MFSD11: variants seen among roughly 807,000 people sequenced by gnomAD.
MFSD11 encodes major facilitator superfamily domain containing 11, also known as UNC93-like protein MFSD11.
Under a neutral mutation model 53.5 loss-of-function variants are expected in MFSD11, and 36 were observed. The observed-to-expected ratio is 0.67, with a 90% CI of 0.52 to 0.89. MFSD11 has a LOEUF of 0.89. MFSD11 is among the 40% of genes least tolerant of loss of function. The pLI, the probability that MFSD11 is intolerant of heterozygous loss-of-function variation, is 0.00. For synonymous variants in MFSD11, 186 were observed against 184.9 expected, an observed-to-expected ratio of 1.01 and a Z score of -0.05; for missense variants, 530 against 543.9, an observed-to-expected ratio of 0.97 and a Z score of 0.25.
chr17:76,752,675 C>A (rs565830542), intron 7 of MFSD11, among the ~76,000 whole-genome samples: 1 of 152,006 alleles, frequency 6.6e-6, no homozygotes, highest in African/African-American at 2.4e-5. Context: ...GGGTTCCAGG[C>A]GTGAGCCACC....
chr17:76,761,519 T>G (rs1209746182), intron 8 of MFSD11, among the ~76,000 whole-genome samples: 1 of 152,130 alleles, frequency 6.6e-6, no homozygotes, highest in Non-Finnish European at 1.5e-5. Flanking sequence ...TGAAAACAAA[T>G]GATAAAATGG....
chr17:76,740,420 T>C (rs1027598074), intron 2 of MFSD11, among the ~76,000 whole-genome samples: 3 of 152,102 alleles, frequency 2.0e-5, no homozygotes, highest in Non-Finnish European at 4.4e-5. Flanking sequence ...CTTAAGCAAG[T>C]TGTAGCTCTG....
intron 2 of MFSD11, among the ~76,000 whole-genome samples, chr17:76,739,397 C>A (rs1199966601): frequency 6.6e-6 from 1 of 152,160 alleles, no homozygotes; most frequent in Admixed American, 6.5e-5. Context: ...TTTTGTAATT[C>A]ATGACGATTA....
At chr17:76,791,402 C>CT in the MFSD11 span, among the ~76,000 whole-genome samples, 25 of 146,522 alleles carry the variant, frequency 1.7e-4, 1 homozygote, top group East Asian at 3.9e-4. Context: ...GCCTGTTTAA[C>CT]TTTTTTTTTT....
chr17:76,749,449 C>T (rs1042889681), intron 7 of MFSD11, among the ~76,000 whole-genome samples: 3 of 151,510 alleles, frequency 2.0e-5, no homozygotes, highest in Non-Finnish European at 4.4e-5. Flanking sequence ...GAATCGCTTA[C>T]GCCCAGGACG....
the MFSD11 span, among the ~76,000 whole-genome samples, chr17:76,789,287 G>A: frequency 1.5e-3 from 228 of 150,282 alleles, 12 homozygotes; most frequent in African/African-American, 5.4e-3. Context: ...TGGTTCCGGG[G>A]TTTGTGTTTT....
chr17:76,785,577 G>A (rs559166758), downstream of MFSD11, among the ~76,000 whole-genome samples: 178 of 152,098 alleles, frequency 1.2e-3, no homozygotes, highest in South Asian at 0.013. Context: ...AGACTCAAGC[G>A]GTCCACCCAC....
intron 7 of MFSD11, among the ~76,000 whole-genome samples, chr17:76,751,721 A>G (rs1339390443): frequency 1.3e-5 from 2 of 151,954 alleles, no homozygotes; most frequent in Non-Finnish European, 2.9e-5. Context: ...AAGGAAAAAG[A>G]AAAATCTTTA....
chr17:76,740,834 C>T, intron 2 of MFSD11, 123 bp from the exon 3 acceptor site: 1 of 628,644 alleles, frequency 1.6e-6, no homozygotes, highest in Non-Finnish European at 2.8e-6. Context: ...ATCATAAATT[C>T]TGACTAAATA....
At chr17:76,769,947 C>T (rs2081241383) in intron 10 of MFSD11, 76 bp downstream of exon 10, 9 of 1,333,430 alleles carry the variant, frequency 6.7e-6, no homozygotes, top group Non-Finnish European at 9.3e-6. Context: ...AAGTGTGCTT[C>T]ACCTTTGTCC....
At position 76,774,136 on chromosome 17, in the gene MFSD11, G is replaced by A. The variant is rs191856062; in HGVS notation, c.875-861G>A. Among the ~76,000 whole-genome samples, 120 of 152,216 alleles carry A rather than the reference G, an allele frequency of 7.9e-4. No individual in the cohort carries two copies. In the South Asian group the frequency reaches 0.013, roughly 16 times the overall value. The stretch of plus-strand genomic sequence containing the variant: ...AGACAGGGTTTCACCATGTTGGCCA[G>A]GCTGGTCTCGAACTCCTGACCTCGG... On this transcript the variant is annotated intron_variant, in intron 10 of 12. Coordinates refer to ENST00000685175, the MANE Select transcript of MFSD11 (RefSeq NM_001242532.5).
chr17:76,751,975 T>C (rs891863923), intron 7 of MFSD11, among the ~76,000 whole-genome samples: 1 of 152,198 alleles, frequency 6.6e-6, no homozygotes, highest in Non-Finnish European at 1.5e-5. Context: ...GTCCCAGCCA[T>C]GTCACAAGGA....
At chr17:76,792,492 T>G in the MFSD11 span, among the ~76,000 whole-genome samples, 1 of 150,946 alleles carries the variant, frequency 6.6e-6, no homozygotes, top group South Asian at 2.1e-4. Context: ...TACAAGTAAT[T>G]ATCAACTAGA....
intron 8 of MFSD11, among the ~76,000 whole-genome samples, chr17:76,759,434 C>T (rs1488191653): frequency 1.3e-5 from 2 of 151,492 alleles, no homozygotes; most frequent in African/African-American, 4.9e-5. Flanking sequence ...AGGTGCCTGA[C>T]ACCACACCTA....
intron 8 of MFSD11, among the ~76,000 whole-genome samples, chr17:76,762,629 C>T (rs1034297619): frequency 1.3e-5 from 2 of 148,348 alleles, no homozygotes; most frequent in African/African-American, 2.5e-5. Context: ...GCACTCCAGC[C>T]TGGGCGACTG....
intron 6 of MFSD11, 150 bp downstream of exon 6, chr17:76,743,606 C>T: frequency 2.2e-6 from 1 of 456,224 alleles, no homozygotes; most frequent in East Asian, 3.5e-5. Context: ...TAAGACTTTT[C>T]CTTGGTTTAT....
intron 5 of MFSD11, among the ~76,000 whole-genome samples, chr17:76,742,670 T>C (rs1005020555): frequency 2.6e-5 from 4 of 151,690 alleles, no homozygotes; most frequent in South Asian, 2.1e-4. Context: ...GCCCGGCTAA[T>C]TTTTTTTGTA....
At chr17:76,740,295 C>T (rs531563729) in intron 2 of MFSD11, among the ~76,000 whole-genome samples, 4 of 152,096 alleles carry the variant, frequency 2.6e-5, no homozygotes, top group South Asian at 2.1e-4. Context: ...AATTCAGGGC[C>T]TTTGAAATGG....
At chr17:76,784,609 C>A (rs114902182), downstream of MFSD11, among the ~76,000 whole-genome samples, 2,755 of 151,178 alleles carry the variant, frequency 0.018, 82 homozygotes, top group African/African-American at 0.062. Context: ...GACAGTTATC[C>A]TCAGGCCGGG....
Sources: allele counts gnomAD v4.1 joint callset (sites outside exome capture counted in the v4.1 genomes callset), GRCh38; gene constraint gnomAD v4.1.1; transcripts MANE v1.5; gene names NCBI Gene and HGNC (gene_info 2026-07-23, HGNC 2026-07-21).